Variants in FCHO1 observed in about 807,000 individuals in gnomAD.
FCHO1 encodes F-BAR domain only protein 1.
Under a neutral mutation model 114.4 loss-of-function variants are expected in FCHO1, and 45 were observed. The ratio of observed to expected loss-of-function variants is 0.39; its 90% CI spans 0.31 to 0.50. The LOEUF (loss-of-function observed/expected upper bound fraction) is 0.50. Among genes scored for constraint, FCHO1 ranks in the 20% least tolerant of loss-of-function variants. FCHO1 has a pLI of 0.77. For missense variants in FCHO1, 1,042 were observed against 1,209.6 expected, an observed-to-expected ratio of 0.86 and a Z score of 2.06; for synonymous variants, 480 against 488.9, an observed-to-expected ratio of 0.98 and a Z score of 0.24.
chr19:17,783,446 T>G (rs1352131575), intron 24 of FCHO1, among the ~76,000 whole-genome samples: 1 of 151,438 alleles, frequency 6.6e-6, no homozygotes, highest in Non-Finnish European at 1.5e-5. Flanking sequence ...CTTTCGTATT[T>G]TAGTAGAGAC....
intron 7 of FCHO1, among the ~76,000 whole-genome samples, 158 bp downstream of exon 7, chr19:17,766,968 G>A (rs2089459389): frequency 6.6e-6 from 1 of 152,160 alleles, no homozygotes; most frequent in Non-Finnish European, 1.5e-5. Context: ...GGACCTGAGC[G>A]TTGTTGAATT....
At chr19:17,765,981 T>C (rs1218772187) in intron 6 of FCHO1, among the ~76,000 whole-genome samples, 5 of 133,036 alleles carry the variant, frequency 3.8e-5, no homozygotes, top group Admixed American at 8.3e-5. Context: ...CTCCGCCTCC[T>C]GGGTTCACGC....
At chr19:17,768,053 CTTTGTT>C (rs1163603595) in intron 7 of FCHO1, among the ~76,000 whole-genome samples, 1 of 152,004 alleles carries the variant, frequency 6.6e-6, no homozygotes, top group Admixed American at 6.6e-5. Context: ...GTTGGTAATA[CTTTGTT>C]TTTGTTTTGT....
intron 4 of FCHO1, among the ~76,000 whole-genome samples, chr19:17,757,690 G>A (rs970260630): frequency 6.6e-6 from 1 of 152,134 alleles, no homozygotes; most frequent in Non-Finnish European, 1.5e-5. Context: ...CTGAGATGGC[G>A]GATCGCCTGA....
At position 17,778,895 on chromosome 19, in the gene FCHO1, C is replaced by G. The variant is rs757524170; in HGVS notation, c.1627+11C>G. On this transcript the variant is annotated intron_variant, in intron 20 of 28. Transcript: ENST00000596536. ...CCTTGGCCGGAGGAGGTGAGTCCAG[C>G]GGGCCTGGGCCTGAGAGTTGCTGGA... 6.5e-7 allele frequency: 1 copy of G among 1,537,968 alleles called. No homozygotes were observed. The highest frequency in any genetic ancestry group is 2.3e-5 in the East Asian group (1 of 43,918).
chr19:17,784,761 C>G lies in FCHO1; in HGVS notation c.2263C>G (p.Leu755Val). The change falls in exon 26 of 29, where the codon CTC (leucine) becomes GTC (valine). Residue 755 changes from leucine (L) to valine (V), a missense_variant. Transcript: ENST00000596536. This position sits in a 1 kb window ranked among gnomAD's most constrained non-coding sequence, Gnocchi z 5.3. ...GGGTCCCCAGTCTGTGCCTCTGCAG[C>G]TCAGTGCCCACTGGCAGTGTGGAGC... is the stretch of plus-strand genomic sequence containing the variant. The part of the protein sequence containing the change: ...RPGPQSVPLQ[L>V]SAHWQCGATL... 1.2e-6 allele frequency: 2 copies of G among 1,614,094 alleles called. No individual in the cohort carries two copies. Among genetic ancestry groups the G allele is most frequent in the Non-Finnish European group, 1.7e-6 (2 of 1,180,042 alleles).
At position 17,783,969 on chromosome 19, in the gene FCHO1, A is replaced by C. The variant is rs898510089; in HGVS notation, c.2094-134A>C. 3 of 1,117,914 alleles carry C rather than the reference A, an allele frequency of 2.7e-6. No individual in the cohort carries two copies. The African/African-American group carries it at 4.7e-5, about 17-fold the overall frequency. The allele number at this position is 1,117,914 out of a possible 1,614,324, so 69.2% of individuals were successfully genotyped here. The stretch of plus-strand genomic sequence containing the variant: ...ATCCCTCCTTTACTGCCCGCACCAC[A>C]ACCACCCAGGTAGGGCTTTGCTGGG... On this transcript the variant is annotated intron_variant, in intron 24 of 28. Transcript: ENST00000596536.
intron 9 of FCHO1, among the ~76,000 whole-genome samples, chr19:17,771,527 G>A (rs991516136): frequency 6.6e-6 from 1 of 151,600 alleles, no homozygotes; most frequent in Non-Finnish European, 1.5e-5. Context: ...AAATTAGCCG[G>A]GCGTGGTGGT....
intron 7 of FCHO1, among the ~76,000 whole-genome samples, chr19:17,769,206 C>T (rs1224071738): frequency 1.6e-5 from 2 of 126,864 alleles, no homozygotes; most frequent in South Asian, 2.7e-4. Flanking sequence ...ACCCGGGAGG[C>T]GGAGGTTGCA....
intron 4 of FCHO1, among the ~76,000 whole-genome samples, chr19:17,760,877 G>C (rs1296568486): frequency 2.0e-5 from 3 of 152,086 alleles, no homozygotes; most frequent in African/African-American, 7.2e-5. Flanking sequence ...TCGAACTCAA[G>C]ACCTCAAGTG....
rs377005140 is a variant in FCHO1 at position 17,778,589 on chromosome 19, C to G, written c.1352-20C>G. 1.3e-6 allele frequency: 2 copies of G among 1,517,610 alleles called. No individual in the cohort carries two copies. The highest frequency in any genetic ancestry group is 2.8e-5 in the African/African-American group (2 of 72,722). 94.0% of individuals were successfully genotyped at this position (1,517,610 alleles called of 1,614,324 possible). A position where few individuals can be genotyped will look rare whatever the true frequency, so the allele number is the denominator to read the frequency against. On this transcript the variant is annotated intron_variant, in intron 19 of 28. Transcript: ENST00000596536. Reference sequence around the variant, plus strand: ...TGAGTGGGCGAGGGTCGGAGCTGACCGCCCGCTTCCCTCCCCAAGGCTCTA... The same window carrying G: ...TGAGTGGGCGAGGGTCGGAGCTGACGGCCCGCTTCCCTCCCCAAGGCTCTA...
rs747652867 is a variant in FCHO1, at chr19:17,776,737, C to T, written c.1259+51C>T. On this transcript the variant is annotated intron_variant, in intron 18 of 28. Transcript: ENST00000596536. The surrounding 1 kb of genome is among the most constrained non-coding windows in gnomAD (Gnocchi z 4.4). ...GGGGGCTGTCCCCACCTCCTCCCTCCACCTCCCCATGTCTCCGCCTGGTGT... is the reference window on the plus strand; with the variant it reads ...GGGGGCTGTCCCCACCTCCTCCCTCTACCTCCCCATGTCTCCGCCTGGTGT... 23 of 1,541,290 alleles carry T rather than the reference C, an allele frequency of 1.5e-5. No individual in the cohort carries two copies. Among genetic ancestry groups the T allele is most frequent in the African/African-American group, 1.4e-4 (10 of 73,360 alleles).
chr19:17,775,207 G>T lies in FCHO1; in HGVS notation c.945+127G>T. The T allele has an allele frequency of 8.9e-7, 1 of 1,124,288 alleles. No homozygotes were observed. The highest frequency in any genetic ancestry group is 2.4e-5 in the Admixed American group (1 of 42,190). 69.6% of individuals were successfully genotyped at this position (1,124,288 alleles called of 1,614,324 possible). A position where few individuals can be genotyped will look rare whatever the true frequency, so the allele number is the denominator to read the frequency against. On this transcript the variant is annotated intron_variant, in intron 14 of 28. Transcript: ENST00000596536. This position sits in a 1 kb window ranked among gnomAD's most constrained non-coding sequence, Gnocchi z 5.1. ...AGATTGAGGGGCGGGCTGGAGCCTG[G>T]GGGCTGGGTTCATATCCCACCTCAG...
chr19:17,773,604 C>T (rs2092099977), intron 11 of FCHO1, among the ~76,000 whole-genome samples: 1 of 152,186 alleles, frequency 6.6e-6, no homozygotes, highest in Admixed American at 6.5e-5. Flanking sequence ...TCCTGTCACT[C>T]AAAGCCCAGC....
intron 5 of FCHO1, among the ~76,000 whole-genome samples, chr19:17,763,326 C>T (rs1445913774): frequency 6.9e-6 from 1 of 144,234 alleles, no homozygotes; most frequent in Non-Finnish European, 1.5e-5. Flanking sequence ...TGCAATGGTG[C>T]AGTCTCGGCT....
At position 17,775,053 on chromosome 19, in the gene FCHO1, C is replaced by T. The variant is rs777902487; in HGVS notation, c.921-3C>T. The T allele has an allele frequency of 2.9e-5, 46 of 1,613,322 alleles. No individual in the cohort carries two copies. Among genetic ancestry groups the T allele is most frequent in the East Asian group, 1.1e-4 (5 of 44,878 alleles). ...ACACCAACATCTCTTCCTCCATCCC[C>T]AGAGATTTCCTGGAGCCCGATTCAG... On this transcript the variant is annotated splice_region_variant and splice_polypyrimidine_tract_variant and intron_variant, in intron 13 of 28. Transcript: ENST00000596536. This position sits in a 1 kb window ranked among gnomAD's most constrained non-coding sequence, Gnocchi z 5.1.
At chr19:17,786,385 G>C (rs933196559) in intron 26 of FCHO1, among the ~76,000 whole-genome samples, 189 bp from the exon 27 acceptor site, 7 of 150,564 alleles carry the variant, frequency 4.6e-5, no homozygotes, top group Middle Eastern at 6.8e-3. Flanking sequence ...CACACACACA[G>C]AAGTGTTGCA....
intron 27 of FCHO1, 111 bp downstream of exon 27, chr19:17,786,740 G>C: frequency 8.4e-7 from 1 of 1,183,778 alleles, no homozygotes; most frequent in Non-Finnish European, 1.2e-6. Context: ...GCAAGTATGG[G>C]CATTGAGGAA....
In FCHO1 at chr19:17,778,789, A is replaced by G; in HGVS notation, c.1532A>G (p.Glu511Gly). The change falls in exon 20 of 29, where the codon GAG (glutamate) becomes GGG (glycine). Residue 511 changes from glutamate to glycine, a missense_variant. By Grantham distance (98) the Glu-to-Gly change is moderately conservative. This residue lies in a region of FCHO1 where 455 missense variants were observed against 455.4 expected (regional missense o/e 1.00). Coordinates refer to ENST00000596536, the MANE Select transcript of FCHO1 (RefSeq NM_015122.3). Reference protein sequence around the residue: ...SPPSCRAPPPEARGIRAPPLP... With the variant: ...SPPSCRAPPPGARGIRAPPLP... ...CCCAGCTGTAGGGCGCCACCCCCAG[A>G]GGCCAGGGGTATCCGGGCACCGCCT... 1 of 1,539,946 alleles carries G rather than the reference A, an allele frequency of 6.5e-7. No homozygotes were observed. The highest frequency in any genetic ancestry group is 8.7e-7 in the Non-Finnish European group (1 of 1,148,644).
Sources: gnomAD v4.1 joint callset for allele counts (sites outside exome capture counted in the v4.1 genomes callset) on GRCh38, gnomAD v4.1.1 for gene constraint, gnomAD v4.1.1 regional missense constraint, Gnocchi (gnomAD v3.1) non-coding constraint, MANE v1.5 for transcripts, NCBI Gene and HGNC (gene_info 2026-07-23, HGNC 2026-07-21) for gene names.